Variants in ASIC2 observed in about 807,000 individuals in gnomAD.
ASIC2 encodes acid sensing ion channel subunit 2, also known as acid-sensing ion channel 2.
A neutral mutation model predicts 57.3 loss-of-function variants in ASIC2; 25 were observed. The observed-to-expected ratio is 0.44, with a 90% CI of 0.32 to 0.61. The LOEUF is 0.61. Among genes scored for constraint, ASIC2 ranks in the 20% least tolerant of loss-of-function variants. ASIC2 has a pLI of 0.06. For missense variants in ASIC2, 641 were observed against 738.1 expected (o/e 0.87, Z 1.52); for synonymous variants, 319 against 307.5 (o/e 1.04, Z -0.39).
At chr17:33,263,666 G>A (rs905946338) in intron 1 of ASIC2, among the ~76,000 whole-genome samples, 5 of 126,522 alleles carry the variant, frequency 4.0e-5, no homozygotes, top group African/African-American at 1.5e-4. Flanking sequence ...AGAATGAAGA[G>A]TTGGTGTTCT....
chr17:33,848,998 C>G (rs1913689054), intron 1 of ASIC2, among the ~76,000 whole-genome samples: 1 of 152,180 alleles, frequency 6.6e-6, no homozygotes, highest in East Asian at 1.9e-4. Flanking sequence ...GCAGATCCTG[C>G]CTACTGGCTG....
At chr17:33,485,320 G>A (rs542743511) in intron 1 of ASIC2, among the ~76,000 whole-genome samples, 3 of 152,330 alleles carry the variant, frequency 2.0e-5, no homozygotes, top group African/African-American at 7.2e-5. Flanking sequence ...GGCTGCCCAG[G>A]GTCAAGCCAA....
chr17:33,073,723 G>T lies in ASIC2; in HGVS notation c.987+15140C>A, dbSNP rs117990344. Among the ~76,000 whole-genome samples, 673 of 152,302 alleles carry T rather than the reference G, an allele frequency of 4.4e-3. 3 individuals carry two copies. Among genetic ancestry groups the T allele is most frequent in the South Asian group, 0.017 (81 of 4,828 alleles). On this transcript the variant is annotated intron_variant, in intron 3 of 9. Coordinates refer to ENST00000225823, the MANE Select transcript of ASIC2 (RefSeq NM_183377.2). Reference sequence around the variant, plus strand: ...GGAGAAGATGTTTATGGGAAACAATGTTGAGGGACAAATGGAGAAAACAAT... The same window carrying T: ...GGAGAAGATGTTTATGGGAAACAATTTTGAGGGACAAATGGAGAAAACAAT...
intron 1 of ASIC2, among the ~76,000 whole-genome samples, chr17:33,663,093 C>T (rs545464124): frequency 8.0e-4 from 122 of 152,302 alleles, no homozygotes; most frequent in Non-Finnish European, 1.5e-3. Context: ...GCACGAGAGA[C>T]ATCAGTCACT....
chr17:33,299,901 G>A (rs1905879875), intron 1 of ASIC2, among the ~76,000 whole-genome samples: 1 of 152,170 alleles, frequency 6.6e-6, no homozygotes, highest in African/African-American at 2.4e-5. Flanking sequence ...TTCAGCGGAG[G>A]AAGTCAAGGT....
intron 1 of ASIC2, among the ~76,000 whole-genome samples, chr17:33,629,207 C>T (rs1284509068): frequency 2.0e-5 from 3 of 152,182 alleles, no homozygotes; most frequent in Non-Finnish European, 4.4e-5. Flanking sequence ...CACCAGCCCT[C>T]CCCGTGGCTT....
intron 1 of ASIC2, among the ~76,000 whole-genome samples, chr17:33,459,626 C>T (rs1322248992): frequency 2.0e-5 from 3 of 152,164 alleles, no homozygotes; most frequent in East Asian, 1.9e-4. Context: ...AGGAAGTAAG[C>T]GGTGGTGAAT....
chr17:33,601,613 G>T (rs1363391878), intron 1 of ASIC2, among the ~76,000 whole-genome samples: 1 of 152,232 alleles, frequency 6.6e-6, no homozygotes, highest in East Asian at 1.9e-4. Flanking sequence ...CCCAGGAAGA[G>T]AACTTATCCT....
At chr17:34,107,237 C>T (rs1911094653) in intron 1 of ASIC2, among the ~76,000 whole-genome samples, 1 of 152,090 alleles carries the variant, frequency 6.6e-6, no homozygotes, top group Non-Finnish European at 1.5e-5. Context: ...CACAGTGGCT[C>T]ACAGCTGTAA....
intron 1 of ASIC2, among the ~76,000 whole-genome samples, chr17:33,348,502 C>A (rs1908038705): frequency 6.6e-6 from 1 of 152,110 alleles, no homozygotes; most frequent in African/African-American, 2.4e-5. Flanking sequence ...GGACAAGAAC[C>A]TGAAAGGAAT....
intron 1 of ASIC2, among the ~76,000 whole-genome samples, chr17:33,736,705 G>A (rs1282949656): frequency 2.6e-5 from 4 of 151,832 alleles, no homozygotes; most frequent in Admixed American, 2.6e-4. Context: ...CCTATCAATT[G>A]TACCCTCCTC....
intron 1 of ASIC2, among the ~76,000 whole-genome samples, chr17:34,149,767 G>A (rs1904440078): frequency 6.6e-6 from 1 of 152,230 alleles, no homozygotes; most frequent in South Asian, 2.1e-4. Flanking sequence ...GGAGAAAGGT[G>A]AGCCCTTGTA....
intron 1 of ASIC2, among the ~76,000 whole-genome samples, chr17:33,115,105 C>T (rs2092275693): frequency 6.6e-6 from 1 of 152,184 alleles, no homozygotes; most frequent in African/African-American, 2.4e-5. Flanking sequence ...GGCTGGTACC[C>T]ATCCTAGCCC....
chr17:33,076,534 C>G lies in ASIC2; in HGVS notation c.987+12329G>C, dbSNP rs1284658006. 4.6e-5 allele frequency among the ~76,000 whole-genome samples: 7 copies of G among 152,346 alleles called. No individual in the cohort carries two copies. In the East Asian group the frequency reaches 1.3e-3, roughly 29 times the overall value. ...AAAATGAAGAATCTTCCTGCACACT[C>G]AATTGTGTTCTCTTCCTCTGAGCAG... On this transcript the variant is annotated intron_variant, in intron 3 of 9. Coordinates refer to ENST00000225823, the MANE Select transcript of ASIC2 (RefSeq NM_183377.2).
intron 1 of ASIC2, among the ~76,000 whole-genome samples, chr17:33,852,469 T>C (rs1260730922): frequency 6.6e-6 from 1 of 152,208 alleles, no homozygotes; most frequent in Non-Finnish European, 1.5e-5. Context: ...GCACCAATTA[T>C]GTGAAGGCAC....
intron 1 of ASIC2, among the ~76,000 whole-genome samples, chr17:33,443,437 G>A (rs371493545): frequency 1.0e-4 from 7 of 68,048 alleles, no homozygotes; most frequent in African/African-American, 3.0e-4. Flanking sequence ...TTTTTGAGAC[G>A]GAGTCTCGCT....
chr17:34,113,548 C>A (rs565640614), intron 1 of ASIC2, among the ~76,000 whole-genome samples: 1 of 146,824 alleles, frequency 6.8e-6, no homozygotes, highest in African/African-American at 2.5e-5. Flanking sequence ...GGCAACAGAA[C>A]AAAACTCTGT....
chr17:34,112,609 G>A (rs566025483), intron 1 of ASIC2, among the ~76,000 whole-genome samples: 29 of 152,112 alleles, frequency 1.9e-4, no homozygotes, highest in Non-Finnish European at 3.4e-4. Flanking sequence ...TCACCAACAC[G>A]GAATGCCTTA....
chr17:33,385,556 T>C lies in ASIC2; in HGVS notation c.556-273489A>G, dbSNP rs531288827. Among the ~76,000 whole-genome samples the C allele has an allele frequency of 2.8e-4, 43 of 152,372 alleles. 1 individual carries two copies. The South Asian group carries it at 7.4e-3, about 26-fold the overall frequency. ...CTATTGCTCATTTTGATCTGTTTAA[T>C]AACATGTTTTAAACTAATCTCTTGT... On this transcript the variant is annotated intron_variant, in intron 1 of 9. Coordinates refer to the ASIC2 transcript ENST00000359872.
Sources: gnomAD v4.1 joint callset for allele counts (sites outside exome capture counted in the v4.1 genomes callset) on GRCh38, gnomAD v4.1.1 for gene constraint, MANE v1.5 for transcripts, NCBI Gene and HGNC (gene_info 2026-07-23, HGNC 2026-07-21) for gene names.